The following ITSN1 variants were observed in gnomAD, a reference collection of about 807,000 sequenced individuals.
ITSN1 encodes intersectin 1.
Under a neutral mutation model 239.8 loss-of-function variants are expected in ITSN1, and 58 were observed. The observed-to-expected ratio is 0.24, with a 90% CI of 0.20 to 0.30. ITSN1 has a LOEUF of 0.30. Among genes scored for constraint, ITSN1 ranks in the 10% least tolerant of loss-of-function variants. The probability of loss-of-function intolerance (pLI) is 1.00; values close to 1 mark genes in which losing one functional copy is unlikely to be tolerated. For missense variants in ITSN1, 1,558 were observed against 2,103.3 expected (o/e 0.74, Z 5.07); for synonymous variants, 780 against 770.8 (o/e 1.01, Z -0.20).
intron 6 of ITSN1, 126 bp downstream of exon 6, chr21:33,750,448 T>A: frequency 1.1e-6 from 1 of 869,708 alleles, no homozygotes; most frequent in Non-Finnish European, 1.8e-6. Context: ...GGAAAATATC[T>A]TTATTTTTTT....
chr21:33,805,192 T>C (rs952641245), intron 20 of ITSN1, among the ~76,000 whole-genome samples: 1 of 152,252 alleles, frequency 6.6e-6, no homozygotes, highest in East Asian at 1.9e-4. Context: ...GGACTAATCC[T>C]AAATCATTTC....
chr21:33,719,370 G>A (rs780759553), intron 2 of ITSN1, among the ~76,000 whole-genome samples: 6 of 152,198 alleles, frequency 3.9e-5, no homozygotes, highest in Non-Finnish European at 8.8e-5. Flanking sequence ...GAACCCGGGA[G>A]GCGGAGGTTG....
intron 9 of ITSN1, among the ~76,000 whole-genome samples, chr21:33,762,854 G>A (rs1314539308): frequency 6.6e-6 from 1 of 151,836 alleles, no homozygotes; most frequent in East Asian, 1.9e-4. Flanking sequence ...AGTAGAGACA[G>A]GGTGTTGCCA....
intron 1 of ITSN1, among the ~76,000 whole-genome samples, chr21:33,645,318 C>T (rs1568824868): frequency 6.6e-6 from 1 of 152,088 alleles, no homozygotes; most frequent in Non-Finnish European, 1.5e-5. Context: ...GGCCTCAGAT[C>T]ACTTACATCA....
intron 33 of ITSN1, among the ~76,000 whole-genome samples, chr21:33,872,068 A>T (rs1207044674): frequency 1.3e-5 from 2 of 152,262 alleles, no homozygotes; most frequent in Non-Finnish European, 1.5e-5. Context: ...ACTCACAGGT[A>T]ATAAAAGAAA....
Position 33,856,661 on chromosome 21 carries a change from C to T in ITSN1, c.3662-75C>T, listed in dbSNP as rs75677548. The T allele has an allele frequency of 1.3e-3, 2,128 of 1,600,660 alleles. 15 individuals are homozygous for T. The African/African-American group carries it at 0.025, about 19-fold the overall frequency. ...GCAAGCCCTCAGGACCCAGCAGCCACGAGGATCTTCCGTGTGAAGTTGTGT... is the reference window on the plus strand; with the variant it reads ...GCAAGCCCTCAGGACCCAGCAGCCATGAGGATCTTCCGTGTGAAGTTGTGT... On this transcript the variant is annotated intron_variant, in intron 29 of 39. Coordinates refer to ENST00000381318, the MANE Select transcript of ITSN1 (RefSeq NM_003024.3).
chr21:33,820,636 A>AT (rs909888589), intron 24 of ITSN1, among the ~76,000 whole-genome samples: 3 of 152,070 alleles, frequency 2.0e-5, no homozygotes, highest in Non-Finnish European at 4.4e-5. Context: ...TAAAGTAAGA[A>AT]TTTTTTTTAG....
chr21:33,812,893 G>A (rs1462387241), intron 21 of ITSN1, among the ~76,000 whole-genome samples: 2 of 152,216 alleles, frequency 1.3e-5, no homozygotes, highest in African/African-American at 4.8e-5. Context: ...AATTGCTGTG[G>A]CATCTAGGCA....
Position 33,693,086 on chromosome 21 carries a change from G to C in ITSN1, c.-32-25711G>C, listed in dbSNP as rs144368246. Among the ~76,000 whole-genome samples, 3 of 152,128 alleles carry C rather than the reference G, an allele frequency of 2.0e-5. No individual in the cohort carries two copies. In the South Asian group the frequency reaches 6.2e-4, roughly 32 times the overall value. Reference sequence around the variant, plus strand: ...GCTGGGATTATAGGCATGAGCCACCGCGCCCAGCCCAGTAAAATCTATTTC... The same window carrying C: ...GCTGGGATTATAGGCATGAGCCACCCCGCCCAGCCCAGTAAAATCTATTTC... On this transcript the variant is annotated intron_variant, in intron 1 of 39. Coordinates refer to ENST00000381318, the MANE Select transcript of ITSN1 (RefSeq NM_003024.3).
In ITSN1 at chr21:33,859,074, CGCTGGCTCCTGATGGT is replaced by C. The variant is rs112209653; in HGVS notation, c.3890+292_3890+307del. 9.8e-3 allele frequency among the ~76,000 whole-genome samples: 1,487 copies of C among 152,300 alleles called. 15 individuals carry two copies. Among genetic ancestry groups the C allele is most frequent in the African/African-American group, 0.032 (1,322 of 41,556 alleles). On this transcript the variant is annotated intron_variant, in intron 31 of 39. Transcript: ENST00000381318. ...TTGTGAATTTCCAGGGCTAGGGCGA[CGCTGGCTCCTGATGGT>C]GCTGGCTCCATGCTGGGGCGTGGGG...
At chr21:33,755,004 AC>A (rs1474312130) in intron 7 of ITSN1, among the ~76,000 whole-genome samples, 1 of 152,154 alleles carries the variant, frequency 6.6e-6, no homozygotes, top group Admixed American at 6.5e-5. Flanking sequence ...GGTTTTTCAT[AC>A]TTTTATAGAA....
Position 33,813,823 on chromosome 21 carries a change from C to CT in ITSN1, c.2568-76dup, listed in dbSNP as rs764000502. On this transcript the variant is annotated intron_variant, in intron 21 of 39. Transcript: ENST00000381318. ...AAGCTGGCATATTAGGGAGTGCTTG[C>CT]TTTTTTTTTTTTTTGGTACTTTACT... 139,910 of 911,362 alleles carry CT rather than the reference C, an allele frequency of 0.15. 2,199 individuals are homozygous for CT. Among genetic ancestry groups the CT allele is most frequent in the East Asian group, 0.23 (7,561 of 33,264 alleles). The allele number at this position is 911,362 out of a possible 1,614,324, so 56.5% of individuals were successfully genotyped here.
chr21:33,785,271 T>C (rs2070566289), intron 16 of ITSN1, among the ~76,000 whole-genome samples: 1 of 152,202 alleles, frequency 6.6e-6, no homozygotes, highest in African/African-American at 2.4e-5. Flanking sequence ...TGATTCTCAC[T>C]ATTTTGGGTA....
chr21:33,812,550 G>A (rs1223108456), intron 21 of ITSN1, among the ~76,000 whole-genome samples: 1 of 152,090 alleles, frequency 6.6e-6, no homozygotes, highest in African/African-American at 2.4e-5. Flanking sequence ...CCAGGCTGGA[G>A]TGCAGTGGCA....
chr21:33,811,459 T>C (rs2072911050), intron 21 of ITSN1, among the ~76,000 whole-genome samples: 1 of 152,206 alleles, frequency 6.6e-6, no homozygotes, highest in African/African-American at 2.4e-5. Flanking sequence ...TGTTATCTTG[T>C]TTTGTTCAAT....
chr21:33,882,401 C>T lies in ITSN1; in HGVS notation c.4500C>T (p.Gly1500=), dbSNP rs369484207. ...TQITKPLGSS[G]TDKVFSPKSN... Reference sequence around the variant, plus strand: ...TCACGAAGCCTTTGGGGTCTTCTGGCACCGACAAAGTCTTCAGCCCCAAAT... The same window carrying T: ...TCACGAAGCCTTTGGGGTCTTCTGGTACCGACAAAGTCTTCAGCCCCAAAT... Residue 1500 remains glycine (G), a synonymous_variant, in exon 35 of 40, where the codon GGC becomes GGT. Transcript: ENST00000381318. The surrounding 1 kb of genome is among the most constrained non-coding windows in gnomAD (Gnocchi z 4.5). 53 of 1,614,022 alleles carry T rather than the reference C, an allele frequency of 3.3e-5. No individual in the cohort carries two copies. The highest frequency in any genetic ancestry group is 3.6e-5 in the Non-Finnish European group (43 of 1,180,040).
At chr21:33,749,547 C>T (rs1212645697) in intron 5 of ITSN1, among the ~76,000 whole-genome samples, 2 of 151,510 alleles carry the variant, frequency 1.3e-5, no homozygotes, top group Non-Finnish European at 2.9e-5. Flanking sequence ...GAGACTGAGG[C>T]AGGAGAATCA....
intron 14 of ITSN1, among the ~76,000 whole-genome samples, chr21:33,778,571 CTT>C (rs397948229): frequency 1.4e-4 from 9 of 63,948 alleles, no homozygotes; most frequent in East Asian, 1.0e-3. Context: ...ATAATATTCT[CTT>C]TTTTTTTTTT....
chr21:33,747,518 G>C (rs959907714), intron 5 of ITSN1, among the ~76,000 whole-genome samples: 34 of 152,112 alleles, frequency 2.2e-4, no homozygotes, highest in African/African-American at 7.5e-4. Flanking sequence ...AATACAAAGA[G>C]ATCTACACCC....
Sources: gnomAD v4.1 joint callset for allele counts (sites outside exome capture counted in the v4.1 genomes callset) on GRCh38, gnomAD v4.1.1 for gene constraint, Gnocchi (gnomAD v3.1) non-coding constraint, MANE v1.5 for transcripts, NCBI Gene and HGNC (gene_info 2026-07-23, HGNC 2026-07-21) for gene names.